The following GPC5 variants were observed in gnomAD, a reference collection of about 807,000 sequenced individuals.
GPC5 encodes glypican 5.
A neutral mutation model predicts 53.9 loss-of-function variants in GPC5; 47 were observed. The ratio of observed to expected loss-of-function variants is 0.87; its 90% CI spans 0.69 to 1.11. The LOEUF (loss-of-function observed/expected upper bound fraction) is 1.11, where lower values mean the gene tolerates loss of function less well. Among genes scored for constraint, GPC5 ranks in the 50% most tolerant of loss-of-function variants. GPC5 has a pLI of 0.00. For missense variants in GPC5, 748 were observed against 713.1 expected (o/e 1.05, Z -0.56); for synonymous variants, 286 against 263.3 (o/e 1.09, Z -0.84).
intron 5 of GPC5, among the ~76,000 whole-genome samples, chr13:91,791,488 A>G (rs345442): frequency 0.019 from 2,962 of 152,296 alleles, 90 homozygotes; most frequent in African/African-American, 0.066. Context: ...TGTTGCTTGC[A>G]TGGTGGAAAT....
intron 7 of GPC5, among the ~76,000 whole-genome samples, chr13:92,449,505 A>T (rs1877973341): frequency 6.6e-6 from 1 of 152,206 alleles, no homozygotes; most frequent in South Asian, 2.1e-4. Flanking sequence ...ATATGAATAC[A>T]TGACTGTATG....
At chr13:91,841,896 A>G (rs1357852803) in intron 5 of GPC5, among the ~76,000 whole-genome samples, 1 of 152,214 alleles carries the variant, frequency 6.6e-6, no homozygotes, top group Non-Finnish European at 1.5e-5. Flanking sequence ...GAGATATTTT[A>G]GTCAACTGGA....
intron 6 of GPC5, among the ~76,000 whole-genome samples, chr13:92,090,458 T>A (rs938729722): frequency 2.6e-5 from 4 of 152,120 alleles, no homozygotes; most frequent in African/African-American, 9.7e-5. Flanking sequence ...CCTTTCAACA[T>A]GTGGGGCACA....
At chr13:91,742,088 G>A (rs1246691607) in intron 4 of GPC5, among the ~76,000 whole-genome samples, 1 of 152,164 alleles carries the variant, frequency 6.6e-6, no homozygotes, top group Non-Finnish European at 1.5e-5. Context: ...CAAAGCTTTG[G>A]ATAGGAGGCC....
At chr13:92,583,290 A>G (rs575747763) in intron 7 of GPC5, among the ~76,000 whole-genome samples, 1 of 152,352 alleles carries the variant, frequency 6.6e-6, no homozygotes, top group African/African-American at 2.4e-5. Flanking sequence ...AATAAGATAT[A>G]TTGATGTGTG....
intron 7 of GPC5, among the ~76,000 whole-genome samples, chr13:92,388,287 G>A (rs1400183075): frequency 6.6e-6 from 1 of 151,924 alleles, no homozygotes; most frequent in Non-Finnish European, 1.5e-5. Context: ...ATATAAGAGT[G>A]GAAATGGATT....
At chr13:91,738,802 C>G (rs551899235) in intron 4 of GPC5, among the ~76,000 whole-genome samples, 1 of 151,416 alleles carries the variant, frequency 6.6e-6, no homozygotes, top group Admixed American at 6.6e-5. Flanking sequence ...TTACCCTCTT[C>G]CCTTTTTTTA....
At chr13:91,465,698 A>G (rs1311143097) in intron 2 of GPC5, among the ~76,000 whole-genome samples, 4 of 152,052 alleles carry the variant, frequency 2.6e-5, no homozygotes, top group Admixed American at 6.6e-5. Flanking sequence ...TTTCACCCCA[A>G]TTTTCACAAG....
At chr13:92,095,605 G>A (rs941234252) in intron 6 of GPC5, among the ~76,000 whole-genome samples, 3 of 152,126 alleles carry the variant, frequency 2.0e-5, no homozygotes, top group African/African-American at 7.2e-5. Context: ...AACCATCTCG[G>A]CTCACTGCAA....
At chr13:91,617,314 G>A (rs549498789) in intron 2 of GPC5, among the ~76,000 whole-genome samples, 3 of 152,130 alleles carry the variant, frequency 2.0e-5, no homozygotes, top group Admixed American at 6.6e-5. Flanking sequence ...TAGAGAAGAT[G>A]CTATTTAATT....
At chr13:92,530,429 A>G (rs1286556012) in intron 7 of GPC5, among the ~76,000 whole-genome samples, 3 of 151,540 alleles carry the variant, frequency 2.0e-5, no homozygotes, top group African/African-American at 7.3e-5. Context: ...CAGCCAGTGG[A>G]GGCAAGAAAA....
At chr13:91,821,394 G>A (rs2038493013) in intron 5 of GPC5, among the ~76,000 whole-genome samples, 1 of 152,074 alleles carries the variant, frequency 6.6e-6, no homozygotes, top group Non-Finnish European at 1.5e-5. Context: ...TTATTGTATT[G>A]TCTAGGAAAA....
intron 7 of GPC5, among the ~76,000 whole-genome samples, chr13:92,375,247 T>G (rs2043684820): frequency 6.6e-6 from 1 of 152,234 alleles, no homozygotes; most frequent in South Asian, 2.1e-4. Context: ...TTGCAAACTT[T>G]ACAGAAGATT....
chr13:92,243,200 C>T (rs1272996481), intron 7 of GPC5, among the ~76,000 whole-genome samples: 2 of 152,142 alleles, frequency 1.3e-5, no homozygotes, highest in Admixed American at 1.3e-4. Flanking sequence ...ACATTTCTCA[C>T]AGACTTTTCA....
At chr13:91,509,393 T>C (rs556031847) in intron 2 of GPC5, among the ~76,000 whole-genome samples, 2 of 50,050 alleles carry the variant, frequency 4.0e-5, no homozygotes, top group Non-Finnish European at 1.7e-4. Context: ...AAAGTGCTCA[T>C]AAAGAAGGCT....
intron 6 of GPC5, among the ~76,000 whole-genome samples, chr13:91,986,692 T>C (rs1055472115): frequency 6.6e-6 from 1 of 152,236 alleles, no homozygotes; most frequent in Non-Finnish European, 1.5e-5. Flanking sequence ...TCTTCCTCAC[T>C]AGACCTAAGT....
chr13:91,814,843 A>G (rs2138814901), intron 5 of GPC5, among the ~76,000 whole-genome samples: 1 of 152,298 alleles, frequency 6.6e-6, no homozygotes, highest in East Asian at 1.9e-4. Context: ...ACCTGGCCAC[A>G]GCTTTATTTT....
chr13:92,697,596 T>C (rs1001741882), intron 7 of GPC5, among the ~76,000 whole-genome samples: 1 of 152,206 alleles, frequency 6.6e-6, no homozygotes, highest in Non-Finnish European at 1.5e-5. Flanking sequence ...GATTTTGGGC[T>C]GAGACGAAAG....
At chr13:91,985,443 C>G (rs1363976254) in intron 6 of GPC5, among the ~76,000 whole-genome samples, 1 of 149,094 alleles carries the variant, frequency 6.7e-6, no homozygotes, top group Non-Finnish European at 1.5e-5. Flanking sequence ...TTTAAATCTA[C>G]TGTTTTGTTT....
Sources: allele counts gnomAD v4.1 joint callset (sites outside exome capture counted in the v4.1 genomes callset), GRCh38; gene constraint gnomAD v4.1.1; transcripts MANE v1.5; gene names NCBI Gene and HGNC (gene_info 2026-07-23, HGNC 2026-07-21).